The following HSD11B1 variants were observed in gnomAD, a reference collection of about 807,000 sequenced individuals.
HSD11B1 encodes hydroxysteroid 11-beta dehydrogenase 1.
In HSD11B1, 15 loss-of-function variants were observed where a neutral mutation model predicts 22.1. The observed-to-expected ratio is 0.68, with a 90% CI of 0.45 to 1.04. The LOEUF (loss-of-function observed/expected upper bound fraction) is 1.04. Among genes scored for constraint, HSD11B1 ranks in the 50% least tolerant of loss-of-function variants. HSD11B1 has a pLI of 0.00. For synonymous variants in HSD11B1, 122 were observed against 125.2 expected (o/e 0.97, Z 0.17); for missense variants, 281 against 357.6 (o/e 0.79, Z 1.73).
chr1:209,689,843 C>A (rs1294687989), intron 1 of HSD11B1, among the ~76,000 whole-genome samples: 2 of 152,098 alleles, frequency 1.3e-5, no homozygotes, highest in African/African-American at 2.4e-5. Flanking sequence ...TTTACAGTAA[C>A]ACAAACAGAC....
chr1:209,688,229 G>C (rs1188920295), intron 1 of HSD11B1, among the ~76,000 whole-genome samples: 1 of 152,036 alleles, frequency 6.6e-6, no homozygotes, highest in East Asian at 1.9e-4. Flanking sequence ...CTGAATACAT[G>C]CAGTTACCTC....
At chr1:209,695,401 C>G (rs2076784781) in intron 1 of HSD11B1, among the ~76,000 whole-genome samples, 1 of 152,092 alleles carries the variant, frequency 6.6e-6, no homozygotes, top group Non-Finnish European at 1.5e-5. Flanking sequence ...TAAAGAACTC[C>G]TAAGTTTCTG....
upstream of HSD11B1, among the ~76,000 whole-genome samples, chr1:209,704,399 T>C (rs1483037612): frequency 6.6e-6 from 1 of 151,896 alleles, no homozygotes; most frequent in Non-Finnish European, 1.5e-5. Context: ...ACATTTTTTT[T>C]CTTAAGCTTA....
intron 1 of HSD11B1, among the ~76,000 whole-genome samples, chr1:209,688,834 T>G (rs1309531964): frequency 6.6e-6 from 1 of 152,154 alleles, no homozygotes; most frequent in Non-Finnish European, 1.5e-5. Context: ...ACTGGGAACA[T>G]GGGAACAACA....
At position 209,706,091 on chromosome 1, in the gene HSD11B1, T is replaced by A; in HGVS notation, c.219+150T>A. 1 of 983,030 alleles carries A rather than the reference T, an allele frequency of 1.0e-6. No homozygotes were observed. The highest frequency in any genetic ancestry group is 1.6e-6 in the Non-Finnish European group (1 of 644,374). 60.9% of individuals were successfully genotyped at this position (983,030 alleles called of 1,614,324 possible). On this transcript the variant is annotated intron_variant, in intron 2 of 5. Coordinates refer to ENST00000367027, the MANE Select transcript of HSD11B1 (RefSeq NM_005525.4). The surrounding 1 kb of genome is among the most constrained non-coding windows in gnomAD (Gnocchi z 4.0). ...AGACACTTAATTTTGCACTCTCATA[T>A]ATAGATTCAAACACCAAAAAACCCA... is the stretch of plus-strand genomic sequence containing the variant.
At position 209,706,167 on chromosome 1, in the gene HSD11B1, A is replaced by G. The variant is rs985908594; in HGVS notation, c.219+226A>G. ...GCATTCATTCATGTGTGTGTGTGTA[A>G]TATATTCTGCAACAGAGTCCTTGAG... On this transcript the variant is annotated intron_variant, in intron 2 of 5. Transcript: ENST00000367027. The surrounding 1 kb of genome is among the most constrained non-coding windows in gnomAD (Gnocchi z 4.0). 9.2e-5 allele frequency among the ~76,000 whole-genome samples: 14 copies of G among 152,172 alleles called. No individual in the cohort carries two copies. The highest frequency in any genetic ancestry group is 1.6e-4 in the Non-Finnish European group (11 of 68,018).
rs1030632419 is a variant in HSD11B1, at chr1:209,706,440, T to G, written c.220-269T>G. ...TCATAATGCCCTCAGAAATGCCTAT[T>G]CACAGAAGCCATGAGCATAAATCAT... On this transcript the variant is annotated intron_variant, in intron 2 of 5. Transcript: ENST00000367027. This position sits in a 1 kb window ranked among gnomAD's most constrained non-coding sequence, Gnocchi z 4.0. 2.0e-5 allele frequency among the ~76,000 whole-genome samples: 3 copies of G among 152,186 alleles called. No individual in the cohort carries two copies. Among genetic ancestry groups the G allele is most frequent in the Non-Finnish European group, 2.9e-5 (2 of 68,038 alleles).
intron 4 of HSD11B1, 55 bp from the exon 5 acceptor site, chr1:209,732,381 G>T (rs1201866176): frequency 1.2e-6 from 2 of 1,604,356 alleles, no homozygotes; most frequent in Non-Finnish European, 1.7e-6. Flanking sequence ...CTACAGCTCT[G>T]TAAGAAGGTG....
intron 4 of HSD11B1, 39 bp downstream of exon 4, chr1:209,707,167 A>G: frequency 6.5e-7 from 1 of 1,543,842 alleles, no homozygotes; most frequent in Non-Finnish European, 9.0e-7. Context: ...GTAGAAGAAA[A>G]AAAAAAATGC....
chr1:209,705,400 TG>T (rs1298863343), intron 1 of HSD11B1, among the ~76,000 whole-genome samples: 2 of 144,610 alleles, frequency 1.4e-5, no homozygotes, highest in African/African-American at 5.1e-5. Context: ...AAACTGGAGA[TG>T]ATGACTACAT....
At chr1:209,691,666 T>G (rs2076760448) in intron 1 of HSD11B1, among the ~76,000 whole-genome samples, 1 of 152,160 alleles carries the variant, frequency 6.6e-6, no homozygotes, top group African/African-American at 2.4e-5. Flanking sequence ...AGAAAAGAAA[T>G]GCATCATAGT....
chr1:209,708,364 T>C (rs1339000106), intron 4 of HSD11B1, among the ~76,000 whole-genome samples: 1 of 152,218 alleles, frequency 6.6e-6, no homozygotes, highest in Non-Finnish European at 1.5e-5. Flanking sequence ...TTGAAACTAA[T>C]AGCACCATCT....
chr1:209,692,152 A>AT (rs2076763110), intron 1 of HSD11B1, among the ~76,000 whole-genome samples: 1 of 152,140 alleles, frequency 6.6e-6, no homozygotes, highest in Non-Finnish European at 1.5e-5. Context: ...ACCAGTCAGC[A>AT]TGTTGATGTC....
At position 209,723,321 on chromosome 1, in the gene HSD11B1, G is replaced by A. The variant is rs79504717; in HGVS notation, c.518-9115G>A. ...TTCCACGACTGCTTCATGCATATTAGAACAGTATATTTATTTACTTACTAA... is the reference window on the plus strand; with the variant it reads ...TTCCACGACTGCTTCATGCATATTAAAACAGTATATTTATTTACTTACTAA... On this transcript the variant is annotated intron_variant, in intron 4 of 5. Transcript: ENST00000367027. Among the ~76,000 whole-genome samples the A allele has an allele frequency of 9.0e-3, 1,365 of 152,138 alleles. 22 individuals carry two copies. Among genetic ancestry groups the A allele is most frequent in the African/African-American group, 0.03 (1,229 of 41,478 alleles).
intron 1 of HSD11B1, among the ~76,000 whole-genome samples, chr1:209,688,407 G>A (rs752555560): frequency 1.3e-5 from 2 of 152,146 alleles, no homozygotes; most frequent in Non-Finnish European, 2.9e-5. Context: ...GCTATGGTGA[G>A]CTCTGACTTA....
chr1:209,720,659 G>A (rs1399717769), intron 4 of HSD11B1, among the ~76,000 whole-genome samples: 1 of 151,810 alleles, frequency 6.6e-6, no homozygotes, highest in Non-Finnish European at 1.5e-5. Flanking sequence ...TCATTGCAGA[G>A]CAAAGGCAAC....
At chr1:209,701,547 A>G (rs570990300), upstream of HSD11B1, among the ~76,000 whole-genome samples, 14 of 152,338 alleles carry the variant, frequency 9.2e-5, no homozygotes, top group Admixed American at 3.9e-4. Context: ...TCCTGTTTCA[A>G]CGTTGCAGTG....
At chr1:209,697,883 C>CTTTTTTTTTTTTTTTTTTTTTTT (rs1558187212) in intron 1 of HSD11B1, among the ~76,000 whole-genome samples, 1 of 21,914 alleles carries the variant, frequency 4.6e-5, no homozygotes, top group African/African-American at 8.3e-5. Flanking sequence ...TTTGTTTTTT[C>CTTTTTTTTTTTTTTTTTTTTTTT]CTTTTTTTTT....
At position 209,688,585 on chromosome 1, in the gene HSD11B1, G is replaced by A. The variant is rs541224734; in HGVS notation, c.-49+2300G>A. On this transcript the variant is annotated intron_variant, in intron 1 of 6. Coordinates refer to the HSD11B1 transcript ENST00000261465. ...TGGAATATTTCCCCTCCTTTTCTTC[G>A]AATAAAACCATGCAATAAAAAGTCT... Among the ~76,000 whole-genome samples the A allele has an allele frequency of 5.9e-5, 9 of 152,048 alleles. No individual in the cohort carries two copies. In the South Asian group the frequency reaches 6.2e-4, roughly 11 times the overall value.
Sources: gnomAD v4.1 joint callset for allele counts (sites outside exome capture counted in the v4.1 genomes callset) on GRCh38, gnomAD v4.1.1 for gene constraint, Gnocchi (gnomAD v3.1) non-coding constraint, MANE v1.5 for transcripts, NCBI Gene and HGNC (gene_info 2026-07-23, HGNC 2026-07-21) for gene names.